The following ZEB2 variants were observed in gnomAD, a reference collection of about 807,000 sequenced individuals.
ZEB2 encodes zinc finger E-box-binding homeobox 2.
ZEB2 carries 6 observed loss-of-function variants against 99.9 expected under a neutral mutation model. That is an observed-to-expected ratio of 0.06 (90% CI 0.03 to 0.12). The LOEUF is 0.12. Ranked by LOEUF, ZEB2 falls within the 10% of genes least tolerant of loss-of-function variation. The pLI is 1.00. For missense variants in ZEB2, 969 were observed against 1,502.8 expected (o/e 0.64, Z 5.87); for synonymous variants, 517 against 542.5 (o/e 0.95, Z 0.65).
chr2:144,389,627 C>T lies in ZEB2; in HGVS notation c.3469G>A (p.Asp1157Asn), dbSNP rs1573707719. Residue 1157 changes from aspartate to asparagine, a missense_variant, in exon 10 of 10, where the codon GAC (aspartate) becomes AAC (asparagine). Transcript: ENST00000627532. The surrounding 1 kb of genome is among the most constrained non-coding windows in gnomAD (Gnocchi z 6.8). ...GYGKLGRQDG[D>N]EEFEEEEEES... ...TCCTCTTCCTCCTCGAACTCCTCGT[C>T]GCCATCCTGTCTGCCCAGCTTCCCG... 4 of 1,614,096 alleles carry T rather than the reference C, an allele frequency of 2.5e-6. No individual in the cohort carries two copies. Among genetic ancestry groups the T allele is most frequent in the Non-Finnish European group, 3.4e-6 (4 of 1,180,026 alleles).
intron 4 of ZEB2, chr2:144,424,272 T>C: frequency 2.2e-6 from 1 of 450,910 alleles, no homozygotes; most frequent in East Asian, 5.7e-5. Context: ...GAAAAAATTA[T>C]TTAAAAGGGC....
intron 1 of ZEB2, 34 bp from the exon 2 acceptor site, chr2:144,517,453 G>A (rs769389561): frequency 4.1e-6 from 6 of 1,452,920 alleles, no homozygotes; most frequent in Non-Finnish European, 5.7e-6. Flanking sequence ...TGTGGGCATC[G>A]CCCGCGCCCA....
At chr2:144,466,047 C>A (rs1202408677) in intron 2 of ZEB2, among the ~76,000 whole-genome samples, 1 of 152,174 alleles carries the variant, frequency 6.6e-6, no homozygotes, top group South Asian at 2.1e-4. Context: ...AGTCATTAGG[C>A]CTTCACTACA....
At chr2:144,509,078 A>G (rs1245061345) in intron 2 of ZEB2, among the ~76,000 whole-genome samples, 1 of 152,114 alleles carries the variant, frequency 6.6e-6, no homozygotes, top group Non-Finnish European at 1.5e-5. Context: ...AACAGTTTTC[A>G]TGCCTATAAG....
At chr2:144,499,105 A>G (rs1704832224) in intron 2 of ZEB2, among the ~76,000 whole-genome samples, 1 of 152,234 alleles carries the variant, frequency 6.6e-6, no homozygotes, top group African/African-American at 2.4e-5. Context: ...TTGATCTGCC[A>G]CAATTAAATA....
rs1408965885 is a variant in ZEB2 at position 144,388,962 on chromosome 2, T to C, written c.*489A>G. On this transcript the variant is annotated 3_prime_UTR_variant, in exon 10 of 10. Coordinates refer to ENST00000627532, the MANE Select transcript of ZEB2 (RefSeq NM_014795.4). The surrounding 1 kb of genome is among the most constrained non-coding windows in gnomAD (Gnocchi z 5.4). ...AAAAAAAAAATGGGAAATTGATGAA[T>C]AGCGAAAGGAAAGTACAGAGGAATC... The C allele has an allele frequency of 1.1e-5, 5 of 448,130 alleles. No individual in the cohort carries two copies. The highest frequency in any genetic ancestry group is 1.4e-4 in the East Asian group (2 of 14,664). The allele number at this position is 448,130 out of a possible 1,614,324, so 27.8% of individuals were successfully genotyped here. A position where few individuals can be genotyped will look rare whatever the true frequency, so the allele number is the denominator to read the frequency against.
At chr2:144,513,557 T>C in intron 2 of ZEB2, 1 of 1,529,818 alleles carries the variant, frequency 6.5e-7, no homozygotes, top group Non-Finnish European at 8.7e-7. Context: ...ATTTGATTTT[T>C]GCTACAACGT....
chr2:144,426,034 T>C (rs961622994), intron 3 of ZEB2, among the ~76,000 whole-genome samples: 2 of 152,124 alleles, frequency 1.3e-5, no homozygotes, highest in Non-Finnish European at 2.9e-5. Context: ...CAAATCTCTT[T>C]ATGGAATCAG....
At chr2:144,420,565 C>T (rs755600589) in intron 4 of ZEB2, among the ~76,000 whole-genome samples, 16 of 152,206 alleles carry the variant, frequency 1.1e-4, no homozygotes, top group Non-Finnish European at 2.1e-4. Flanking sequence ...TAAGGAGGAA[C>T]GATGAAACAT....
intron 2 of ZEB2, among the ~76,000 whole-genome samples, chr2:144,491,328 G>A (rs1167106136): frequency 7.3e-6 from 1 of 136,314 alleles, no homozygotes; most frequent in African/African-American, 2.7e-5. Context: ...AGATATTCTT[G>A]CCACTTCGTC....
intron 2 of ZEB2, among the ~76,000 whole-genome samples, chr2:144,478,017 G>A (rs1704454272): frequency 1.3e-5 from 2 of 152,146 alleles, no homozygotes; most frequent in South Asian, 4.1e-4. Flanking sequence ...GTGTGAAGGA[G>A]ACGCTCGGGT....
chr2:144,510,675 T>G (rs560359695), intron 2 of ZEB2, among the ~76,000 whole-genome samples: 3 of 147,676 alleles, frequency 2.0e-5, no homozygotes, highest in Non-Finnish European at 4.5e-5. Flanking sequence ...TTTACTCAGC[T>G]ACTACCCTGT....
chr2:144,389,084 T>C lies in ZEB2; in HGVS notation c.*367A>G. On this transcript the variant is annotated 3_prime_UTR_variant, in exon 10 of 10. Transcript: ENST00000627532. The surrounding 1 kb of genome is among the most constrained non-coding windows in gnomAD (Gnocchi z 6.8). ...GATGTATGGTAGTGCGGGCACCTTTTTAAAATGTATTAATATAAATTAGAC... is the reference window on the plus strand; with the variant it reads ...GATGTATGGTAGTGCGGGCACCTTTCTAAAATGTATTAATATAAATTAGAC... The C allele has an allele frequency of 2.0e-6, 1 of 502,728 alleles. No individual in the cohort carries two copies. The highest frequency in any genetic ancestry group is 3.5e-6 in the Non-Finnish European group (1 of 287,102). 31.1% of individuals were successfully genotyped at this position (502,728 alleles called of 1,614,324 possible).
At chr2:144,509,617 ATGTG>A (rs562680838) in intron 2 of ZEB2, among the ~76,000 whole-genome samples, 1 of 151,296 alleles carries the variant, frequency 6.6e-6, no homozygotes, top group African/African-American at 2.4e-5. Flanking sequence ...GTGTGTGTGA[ATGTG>A]TGTGTGTGTG....
At chr2:144,511,944 C>T (rs1209204117) in intron 2 of ZEB2, 1 of 1,287,146 alleles carries the variant, frequency 7.8e-7, no homozygotes, top group African/African-American at 1.5e-5. Context: ...ACATTTAATT[C>T]TGTATATTTT....
intron 2 of ZEB2, among the ~76,000 whole-genome samples, chr2:144,508,792 A>C (rs1282400056): frequency 1.3e-5 from 2 of 152,042 alleles, no homozygotes; most frequent in African/African-American, 4.8e-5. Context: ...TTTCAAGTTG[A>C]AGCCCCTTTC....
chr2:144,431,541 C>T lies in ZEB2; in HGVS notation c.74-1515G>A, dbSNP rs143273387. Among the ~76,000 whole-genome samples, 13 of 151,966 alleles carry T rather than the reference C, an allele frequency of 8.6e-5. No individual in the cohort carries two copies. The East Asian group carries it at 1.8e-3, about 20-fold the overall frequency. On this transcript the variant is annotated intron_variant, in intron 2 of 9. Coordinates refer to ENST00000627532, the MANE Select transcript of ZEB2 (RefSeq NM_014795.4). ...GTGCAAATTAAAATGAAAACGGCAG[C>T]GGAGCCGGGCAAACAGAATCTGCTG...
At chr2:144,440,458 A>G (rs1453713648) in intron 2 of ZEB2, among the ~76,000 whole-genome samples, 2 of 147,338 alleles carry the variant, frequency 1.4e-5, no homozygotes, top group South Asian at 2.1e-4. Context: ...TCCCCGACCA[A>G]TTGTTCAACC....
At chr2:144,518,677 A>G (rs988540729) in intron 1 of ZEB2, 19 of 152,196 alleles carry the variant, frequency 1.2e-4, no homozygotes, top group African/African-American at 4.1e-4. Flanking sequence ...TTACCTAGGC[A>G]TACATAGTAG....
Sources: allele counts gnomAD v4.1 joint callset (sites outside exome capture counted in the v4.1 genomes callset), GRCh38; gene constraint gnomAD v4.1.1; non-coding constraint Gnocchi (gnomAD v3.1); transcripts MANE v1.5; gene names NCBI Gene and HGNC (gene_info 2026-07-23, HGNC 2026-07-21).